The following ADGRG2 variants were observed in gnomAD, a reference collection of about 807,000 sequenced individuals.
The protein encoded by ADGRG2 is adhesion G protein-coupled receptor G2.
Under a neutral mutation model 74.1 loss-of-function variants are expected in ADGRG2, and 26 were observed. That is an observed-to-expected ratio of 0.35 (90% CI 0.26 to 0.49). ADGRG2 has a LOEUF of 0.49. ADGRG2 is among the 20% of genes least tolerant of loss of function. ADGRG2 has a pLI of 0.99. For missense variants in ADGRG2, 619 were observed against 763.1 expected (o/e 0.81, Z 2.22); for synonymous variants, 296 against 295.2 (o/e 1.00, Z -0.03).
At chrX:19,081,847 G>A in intron 2 of ADGRG2, among the ~76,000 whole-genome samples, 1 of 110,504 alleles carries the variant, frequency 9.0e-6, no homozygotes, top group Non-Finnish European at 1.9e-5. Context: ...GGCTGAAGCA[G>A]GAGGATGGAT....
In ADGRG2 at chrX:19,019,418, TAA is replaced by T; in HGVS notation, c.710+179_710+180del. 8 of 409,565 alleles carry T rather than the reference TAA, an allele frequency of 2.0e-5. No individual in the cohort carries two copies. In the South Asian group the frequency reaches 3.8e-4, roughly 19 times the overall value. 33.8% of individuals were successfully genotyped at this position (409,565 alleles called of 1,213,427 possible). A position where few individuals can be genotyped will look rare whatever the true frequency, so the allele number is the denominator to read the frequency against. On this transcript the variant is annotated intron_variant, in intron 15 of 28. Coordinates refer to ENST00000379869, the MANE Select transcript of ADGRG2 (RefSeq NM_001079858.3). ...TCCCCAGGTGATTCTAATGTGCAGC[TAA>T]GATTTCAAACCACTGGTTTAAGGCA...
In ADGRG2 at chrX:19,003,081, G is replaced by A; in HGVS notation, c.1995C>T (p.Leu665=). The change falls in exon 24 of 29, where the codon CTC becomes CTT. Residue 665 remains leucine (L), a synonymous_variant. Transcript: ENST00000379869. ...GAAGCAGAGCAGCACACAGCTGGAT[G>A]AGGATTTTGGAAGGGTAATCCCTCC... is the stretch of plus-strand genomic sequence containing the variant. The part of the protein sequence containing the change: ...KIRRDYPSKI[L]IQLCAALLLL... 3 of 1,201,738 alleles carry A rather than the reference G, an allele frequency of 2.5e-6. No individual in the cohort carries two copies. In the East Asian group the frequency reaches 8.9e-5, roughly 36 times the overall value.
intron 4 of ADGRG2, among the ~76,000 whole-genome samples, chrX:19,039,857 A>G (rs1346271409): frequency 8.9e-6 from 1 of 112,181 alleles, no homozygotes; most frequent in Non-Finnish European, 1.9e-5. Flanking sequence ...ATGTAAAAAC[A>G]TCTGGCATGT....
chrX:19,122,480 C>CCGGCCCGCCTTTTCCCCTCTCCGGGGCTG, upstream of ADGRG2: 1 of 111,376 alleles, frequency 9.0e-6, no homozygotes, highest in African/African-American at 3.2e-5. Context: ...CTGGCGCCGT[C>CCGGCCCGCCTTTTCCCCTCTCCGGGGCTG]CGGCCCGCCT....
intron 2 of ADGRG2, among the ~76,000 whole-genome samples, chrX:19,081,477 C>T (rs1021762756): frequency 9.0e-6 from 1 of 111,310 alleles, no homozygotes; most frequent in Non-Finnish European, 1.9e-5. Flanking sequence ...CCCCGCCTCA[C>T]CCACCAGGGC....
chrX:19,000,103 C>T, intron 24 of ADGRG2, 143 bp from the exon 25 acceptor site: 1 of 399,539 alleles, frequency 2.5e-6, no homozygotes, highest in Non-Finnish European at 4.4e-6. Flanking sequence ...AAGTGATTCT[C>T]CTGCCTCAGC....
chrX:19,001,793 G>GA (rs1405545466), intron 24 of ADGRG2, among the ~76,000 whole-genome samples: 3 of 111,381 alleles, frequency 2.7e-5, no homozygotes, highest in Non-Finnish European at 3.8e-5. Flanking sequence ...TGGTTGGGGG[G>GA]ATGGCAGAAG....
chrX:19,001,376 T>C (rs1195684206), intron 24 of ADGRG2, among the ~76,000 whole-genome samples: 1 of 111,728 alleles, frequency 9.0e-6, no homozygotes, highest in African/African-American at 3.3e-5. Flanking sequence ...AGACGTCCTA[T>C]CTCAAGGCTC....
Position 19,078,944 on chromosome X carries a change from C to T in ADGRG2, c.-2+3758G>A, listed in dbSNP as rs749724814. On this transcript the variant is annotated intron_variant, in intron 2 of 28. Transcript: ENST00000379869. ...GTGAGGAAGTAGCTAATAAGAGGTA[C>T]GGAAAAAGCAACACACCTGTAAATG... is the stretch of plus-strand genomic sequence containing the variant. 4.5e-5 allele frequency among the ~76,000 whole-genome samples: 5 copies of T among 110,397 alleles called. No homozygotes were observed. The South Asian group carries it at 1.5e-3, about 34-fold the overall frequency.
intron 3 of ADGRG2, among the ~76,000 whole-genome samples, chrX:19,063,008 T>A (rs1278608673): frequency 8.1e-4 from 78 of 96,336 alleles, no homozygotes; most frequent in Middle Eastern, 5.3e-3. Context: ...TTCAAAGATT[T>A]AAAAAAAAAA....
At chrX:19,109,095 A>G (rs1319813583) in intron 1 of ADGRG2, among the ~76,000 whole-genome samples, 1 of 111,192 alleles carries the variant, frequency 9.0e-6, no homozygotes, top group Non-Finnish European at 1.9e-5. Context: ...AAATATGTCC[A>G]TGAAATACTA....
At chrX:19,001,425 C>T in intron 24 of ADGRG2, among the ~76,000 whole-genome samples, 1 of 112,003 alleles carries the variant, frequency 8.9e-6, no homozygotes, top group Non-Finnish European at 1.9e-5. Flanking sequence ...AGACCAGTTG[C>T]AGTGCCTGGT....
intron 2 of ADGRG2, among the ~76,000 whole-genome samples, chrX:19,070,541 G>A (rs779818025): frequency 8.9e-6 from 1 of 111,880 alleles, no homozygotes; most frequent in Admixed American, 9.4e-5. Context: ...AGAGGCTGGC[G>A]TGGGGTGCTG....
intron 3 of ADGRG2, among the ~76,000 whole-genome samples, chrX:19,060,523 G>A (rs892549836): frequency 9.6e-5 from 10 of 104,431 alleles, no homozygotes; most frequent in Non-Finnish European, 5.9e-5. Context: ...AGAATCTCTG[G>A]GGGTAGGAGG....
At chrX:19,064,261 C>T (rs1476782251) in intron 3 of ADGRG2, among the ~76,000 whole-genome samples, 4 of 112,295 alleles carry the variant, frequency 3.6e-5, no homozygotes, top group African/African-American at 1.3e-4. Flanking sequence ...GGTGGCTTAG[C>T]ATCGAATTAG....
chrX:19,065,261 C>CAAAA (rs749063279), intron 3 of ADGRG2, among the ~76,000 whole-genome samples: 10 of 11,128 alleles, frequency 9.0e-4, no homozygotes, highest in African/African-American at 1.3e-3. Context: ...GATCCTGTCT[C>CAAAA]AAAAAAAAAA....
chrX:19,051,136 G>C (rs185925996), intron 3 of ADGRG2, among the ~76,000 whole-genome samples: 1 of 111,833 alleles, frequency 8.9e-6, no homozygotes, highest in African/African-American at 3.3e-5. Flanking sequence ...CTGCAGTGGC[G>C]CGATCTCGGC....
chrX:19,071,395 G>GT (rs2061651236), intron 2 of ADGRG2, among the ~76,000 whole-genome samples: 1 of 112,230 alleles, frequency 8.9e-6, no homozygotes, highest in African/African-American at 3.2e-5. Context: ...AAATGAGGAT[G>GT]TTAACACAGT....
chrX:19,039,093 A>G (rs1197319842), intron 4 of ADGRG2, among the ~76,000 whole-genome samples: 1 of 111,598 alleles, frequency 9.0e-6, no homozygotes, highest in African/African-American at 3.3e-5. Flanking sequence ...GACAACAGCT[A>G]CTATTATTCT....
Sources: gnomAD v4.1 joint callset for allele counts (sites outside exome capture counted in the v4.1 genomes callset) on GRCh38, gnomAD v4.1.1 for gene constraint, MANE v1.5 for transcripts, NCBI Gene and HGNC (gene_info 2026-07-23, HGNC 2026-07-21) for gene names.